ANO3: variants seen among roughly 807,000 people sequenced by gnomAD.
ANO3 encodes the protein anoctamin-3.
Under a neutral mutation model 144.8 loss-of-function variants are expected in ANO3, and 99 were observed. The observed-to-expected ratio is 0.68, with a 90% confidence interval of 0.58 to 0.81. The LOEUF (loss-of-function observed/expected upper bound fraction) is 0.81, where lower values mean the gene tolerates loss of function less well. ANO3 is among the 30% of genes least tolerant of loss of function. The pLI, the probability that ANO3 is intolerant of heterozygous loss-of-function variation, is 0.00. For synonymous variants in ANO3, 414 were observed against 392.6 expected (o/e 1.05, Z -0.64); for missense variants, 905 against 1,202.2 (o/e 0.75, Z 3.66).
At chr11:26,427,956 C>A (rs951485817) in intron 1 of ANO3, among the ~76,000 whole-genome samples, 2 of 152,076 alleles carry the variant, frequency 1.3e-5, no homozygotes, top group African/African-American at 4.8e-5. Flanking sequence ...AGGTAACCAC[C>A]CCCATGATTC....
chr11:26,234,022 T>G (rs1852461312), intron 1 of ANO3, among the ~76,000 whole-genome samples: 1 of 152,096 alleles, frequency 6.6e-6, no homozygotes, highest in Non-Finnish European at 1.5e-5. Flanking sequence ...GATGACAGGT[T>G]GATAGGTGCA....
chr11:26,537,683 C>T (rs1005244653), intron 10 of ANO3, among the ~76,000 whole-genome samples: 8 of 152,150 alleles, frequency 5.3e-5, no homozygotes, highest in Non-Finnish European at 7.3e-5. Context: ...CCAGCCTTAG[C>T]GAGAACACTC....
At chr11:26,360,907 T>C (rs1855909798) in intron 1 of ANO3, among the ~76,000 whole-genome samples, 1 of 152,208 alleles carries the variant, frequency 6.6e-6, no homozygotes, top group East Asian at 1.9e-4. Context: ...CCTACTGTTA[T>C]TACGTGGATA....
At chr11:26,585,985 T>G (rs1270629775) in intron 14 of ANO3, among the ~76,000 whole-genome samples, 1 of 152,224 alleles carries the variant, frequency 6.6e-6, no homozygotes, top group Non-Finnish European at 1.5e-5. Flanking sequence ...CAAAACAAAA[T>G]GACAGCATTA....
At chr11:26,396,778 G>GT (rs1857025100) in intron 1 of ANO3, among the ~76,000 whole-genome samples, 1 of 151,654 alleles carries the variant, frequency 6.6e-6, no homozygotes, top group Admixed American at 6.6e-5. Flanking sequence ...AACATCACAC[G>GT]TCGGGGGCCT....
At chr11:26,429,407 C>T (rs1220876025) in intron 1 of ANO3, among the ~76,000 whole-genome samples, 1 of 146,260 alleles carries the variant, frequency 6.8e-6, no homozygotes, top group Non-Finnish European at 1.5e-5. Context: ...AAAATATATT[C>T]ATATAAAGAT....
chr11:26,309,651 A>T, exon 1 of ANO3: 1 of 985,316 alleles, frequency 1.0e-6, no homozygotes, highest in South Asian at 4.7e-5. Context: ...ACAGGTCTGC[A>T]AAAGTTGTGC....
Position 26,553,230 on chromosome 11 carries a change from GT to G in ANO3, c.1290-14del, listed in dbSNP as rs376265231. 476 of 1,199,916 alleles carry G rather than the reference GT, an allele frequency of 4.0e-4. 41 individuals are homozygous for G. The highest frequency in any genetic ancestry group is 5.3e-4 in the Non-Finnish European group (461 of 875,982). The allele number at this position is 1,199,916 out of a possible 1,614,324, so 74.3% of individuals were successfully genotyped here. A position where few individuals can be genotyped will look rare whatever the true frequency, so the allele number is the denominator to read the frequency against. ...TCATGCTATGTTTTGTTTTGTTTTT[GT>G]TTTTGTTTTTTCTCAAGCCAAGAAA... On this transcript the variant is annotated intron_variant, in intron 12 of 26. Transcript: ENST00000256737.
In ANO3 at chr11:26,419,797, G is replaced by A. The variant is rs72884596; in HGVS notation, c.47-22121G>A. On this transcript the variant is annotated intron_variant, in intron 1 of 26. Coordinates refer to ENST00000256737, the MANE Select transcript of ANO3 (RefSeq NM_031418.4). ...TAGGGTATGTGACTTTGAATGGGAT[G>A]TTTTTATGGTGAGGAAGGTTTTAAC... Among the ~76,000 whole-genome samples the A allele has an allele frequency of 4.3e-3, 662 of 152,202 alleles. 5 individuals carry two copies. Among genetic ancestry groups the A allele is most frequent in the South Asian group, 0.012 (56 of 4,830 alleles).
intron 14 of ANO3, among the ~76,000 whole-genome samples, chr11:26,585,850 A>C (rs1207773759): frequency 6.6e-6 from 1 of 152,226 alleles, no homozygotes; most frequent in African/African-American, 2.4e-5. Context: ...GAAACATTTC[A>C]TGTACACCTC....
chr11:26,233,558 G>C (rs1852449809), intron 1 of ANO3, among the ~76,000 whole-genome samples: 1 of 152,168 alleles, frequency 6.6e-6, no homozygotes, highest in Non-Finnish European at 1.5e-5. Context: ...TCTAGAACCA[G>C]AAATACCATT....
At chr11:26,230,797 CAAAAAAAAAAAAAAAAAAAAAA>C (rs1168180646) in intron 1 of ANO3, among the ~76,000 whole-genome samples, 24 of 11,348 alleles carry the variant, frequency 2.1e-3, no homozygotes, top group Non-Finnish European at 4.2e-3. Context: ...ACTCCATCTC[CAAAAAAAAAAAAAAAAAAAAAA>C]AAAAAAAAAA....
intron 1 of ANO3, among the ~76,000 whole-genome samples, chr11:26,236,957 G>A (rs1852545319): frequency 6.6e-6 from 1 of 151,346 alleles, no homozygotes. Context: ...ATATATATTT[G>A]CGTTCAAAAC....
chr11:26,280,720 A>G (rs1564946604), intron 1 of ANO3, among the ~76,000 whole-genome samples: 1 of 152,168 alleles, frequency 6.6e-6, no homozygotes, highest in Non-Finnish European at 1.5e-5. Context: ...AATCCAATCA[A>G]GTTGACAATA....
intron 1 of ANO3, among the ~76,000 whole-genome samples, chr11:26,426,539 G>C (rs1857926404): frequency 6.6e-6 from 1 of 151,986 alleles, no homozygotes; most frequent in Non-Finnish European, 1.5e-5. Context: ...TTATTTTAAA[G>C]GTAATTCTTG....
chr11:26,650,498 T>C (rs540357931), intron 24 of ANO3, among the ~76,000 whole-genome samples: 4 of 152,278 alleles, frequency 2.6e-5, no homozygotes, highest in Non-Finnish European at 5.9e-5. Context: ...GCCCTTTTCA[T>C]ATATTGACAT....
At chr11:26,191,186 G>A (rs1483130874) in intron 1 of ANO3, among the ~76,000 whole-genome samples, 1 of 152,014 alleles carries the variant, frequency 6.6e-6, no homozygotes, top group African/African-American at 2.4e-5. Flanking sequence ...TGAGACAGGC[G>A]AGAATTGCTT....
chr11:26,240,621 A>C (rs1852641801), intron 1 of ANO3, among the ~76,000 whole-genome samples: 2 of 152,174 alleles, frequency 1.3e-5, no homozygotes, highest in Non-Finnish European at 2.9e-5. Flanking sequence ...CTTTGCTAAA[A>C]TGTACTTTAA....
intron 1 of ANO3, among the ~76,000 whole-genome samples, chr11:26,315,681 C>T (rs973267525): frequency 2.8e-5 from 4 of 143,716 alleles, no homozygotes; most frequent in Admixed American, 2.7e-4. Flanking sequence ...ATCTATCTAT[C>T]TATCCATCTA....
Sources: allele counts gnomAD v4.1 joint callset (sites outside exome capture counted in the v4.1 genomes callset), GRCh38; gene constraint gnomAD v4.1.1; transcripts MANE v1.5; gene names NCBI Gene and HGNC (gene_info 2026-07-23, HGNC 2026-07-21).